GABBR2: variants seen among roughly 807,000 people sequenced by gnomAD.
GABBR2 encodes gamma-aminobutyric acid type B receptor subunit 2, also known as G-protein coupled receptor 51.
Under a neutral mutation model 105.6 loss-of-function variants are expected in GABBR2, and 23 were observed. That is an observed-to-expected ratio of 0.22 (90% CI 0.16 to 0.31). The LOEUF is 0.31. Ranked by LOEUF, GABBR2 falls within the 10% of genes least tolerant of loss-of-function variation. The pLI is 1.00. For missense variants in GABBR2, 734 were observed against 1,245.5 expected, an observed-to-expected ratio of 0.59 and a Z score of 6.18; for synonymous variants, 478 against 499.7, an observed-to-expected ratio of 0.96 and a Z score of 0.58.
Position 98,408,990 on chromosome 9 carries a change from G to A in GABBR2, c.1237-2849C>T, listed in dbSNP as rs1320867314. ...TAGTTGGGTAGTTAGGGAAGACTCCGCTCAAGACGTTATAAGAAAGCTGAG... is the reference window on the plus strand; with the variant it reads ...TAGTTGGGTAGTTAGGGAAGACTCCACTCAAGACGTTATAAGAAAGCTGAG... On this transcript the variant is annotated intron_variant, in intron 7 of 18. Coordinates refer to ENST00000259455, the MANE Select transcript of GABBR2 (RefSeq NM_005458.8). 4.1e-4 allele frequency among the ~76,000 whole-genome samples: 63 copies of A among 152,244 alleles called. 1 individual carries two copies. The highest frequency in any genetic ancestry group is 3.4e-3 in the Middle Eastern group (1 of 294).
intron 13 of GABBR2, among the ~76,000 whole-genome samples, chr9:98,317,768 G>A (rs973453787): frequency 1.2e-4 from 19 of 152,330 alleles, no homozygotes; most frequent in East Asian, 3.9e-4. Context: ...CCAACATGGC[G>A]CTTGCCTTCT....
chr9:98,612,678 T>C (rs1194392359), intron 1 of GABBR2, among the ~76,000 whole-genome samples: 1 of 152,052 alleles, frequency 6.6e-6, no homozygotes, highest in African/African-American at 2.4e-5. Context: ...AATACAAAAA[T>C]AGAAAATTTA....
At chr9:98,433,880 A>G (rs1825855588) in intron 7 of GABBR2, among the ~76,000 whole-genome samples, 1 of 152,160 alleles carries the variant, frequency 6.6e-6, no homozygotes, top group South Asian at 2.1e-4. Flanking sequence ...GGTGGAAGAC[A>G]GAGGGACAAT....
At chr9:98,368,447 C>A (rs537784491) in intron 12 of GABBR2, among the ~76,000 whole-genome samples, 1 of 152,082 alleles carries the variant, frequency 6.6e-6, no homozygotes, top group African/African-American at 2.4e-5. Context: ...TGGCCCAGAC[C>A]CTTGGCGGGG....
chr9:98,669,969 C>A (rs1428726235), intron 1 of GABBR2, among the ~76,000 whole-genome samples: 1 of 147,916 alleles, frequency 6.8e-6, no homozygotes, highest in Non-Finnish European at 1.5e-5. Context: ...AGCAAGCGAC[C>A]AGGGCGGGGG....
rs1828272110 is a variant in GABBR2 at position 98,540,430 on chromosome 9, G to A, written c.630+1443C>T. Among the ~76,000 whole-genome samples the A allele has an allele frequency of 2.0e-5, 3 of 152,162 alleles. No individual in the cohort carries two copies. In the South Asian group the frequency reaches 6.2e-4, roughly 32 times the overall value. ...AGGAATCGAAGCTCAGAGAAGCAAG[G>A]TAACGTCTCCAAGGTCACACAGCCA... On this transcript the variant is annotated intron_variant, in intron 3 of 18. Transcript: ENST00000259455.
At chr9:98,383,656 T>C (rs1832019153) in intron 11 of GABBR2, among the ~76,000 whole-genome samples, 1 of 152,136 alleles carries the variant, frequency 6.6e-6, no homozygotes, top group African/African-American at 2.4e-5. Flanking sequence ...ATAAAGTAAA[T>C]GTATCTGTAG....
At chr9:98,448,610 G>A (rs1826178463) in intron 7 of GABBR2, among the ~76,000 whole-genome samples, 2 of 151,932 alleles carry the variant, frequency 1.3e-5, no homozygotes, top group East Asian at 1.9e-4. Flanking sequence ...TAGAGACAAG[G>A]TCTCATCATG....
At chr9:98,514,898 A>G (rs1827727437) in intron 3 of GABBR2, among the ~76,000 whole-genome samples, 1 of 152,166 alleles carries the variant, frequency 6.6e-6, no homozygotes, top group Non-Finnish European at 1.5e-5. Context: ...CACATGGGGA[A>G]GTCTAGGCTT....
At chr9:98,561,951 T>C (rs1828678479) in intron 2 of GABBR2, among the ~76,000 whole-genome samples, 1 of 152,154 alleles carries the variant, frequency 6.6e-6, no homozygotes, top group Non-Finnish European at 1.5e-5. Context: ...GCAAGCATCA[T>C]AAATTGATGC....
chr9:98,610,977 T>C (rs1011802197), intron 1 of GABBR2, among the ~76,000 whole-genome samples: 1 of 152,092 alleles, frequency 6.6e-6, no homozygotes, highest in Non-Finnish European at 1.5e-5. Context: ...GGTGAAAGAA[T>C]GAGGCTCTGT....
At chr9:98,505,047 G>T (rs1336488291) in intron 3 of GABBR2, among the ~76,000 whole-genome samples, 2 of 152,256 alleles carry the variant, frequency 1.3e-5, no homozygotes, top group East Asian at 3.8e-4. Flanking sequence ...CAACAGGTAA[G>T]ATGGTTCAGG....
chr9:98,506,417 C>T (rs1230127666), intron 3 of GABBR2, among the ~76,000 whole-genome samples: 2 of 152,126 alleles, frequency 1.3e-5, no homozygotes, highest in Admixed American at 1.3e-4. Context: ...TGAGGCTGCA[C>T]CATGGCCACC....
chr9:98,355,116 C>T (rs1487485945), intron 13 of GABBR2, among the ~76,000 whole-genome samples: 1 of 151,982 alleles, frequency 6.6e-6, no homozygotes, highest in Non-Finnish European at 1.5e-5. Flanking sequence ...GTGGGTAGAG[C>T]AGTCAGAACG....
At chr9:98,312,400 A>G (rs1417135141) in intron 13 of GABBR2, among the ~76,000 whole-genome samples, 3 of 152,190 alleles carry the variant, frequency 2.0e-5, no homozygotes, top group African/African-American at 7.2e-5. Context: ...TTCAGATTTT[A>G]TGTATTCTTG....
intron 1 of GABBR2, among the ~76,000 whole-genome samples, chr9:98,627,991 C>T (rs2778917): frequency 0.93 from 141,533 of 152,288 alleles, 65,875 homozygotes; most frequent in Middle Eastern, 0.97. Flanking sequence ...TTCAAGACTT[C>T]ATGTTCCAAT....
At chr9:98,619,948 G>A (rs888390249) in intron 1 of GABBR2, among the ~76,000 whole-genome samples, 1 of 152,178 alleles carries the variant, frequency 6.6e-6, no homozygotes, top group Non-Finnish European at 1.5e-5. Context: ...CACCTGCTGT[G>A]TGGCCTTGTG....
intron 16 of GABBR2, among the ~76,000 whole-genome samples, chr9:98,300,212 A>T (rs1300292766): frequency 5.9e-5 from 9 of 151,950 alleles, no homozygotes; most frequent in Non-Finnish European, 2.9e-5. Flanking sequence ...TGGAGGACAG[A>T]CATGCAGGGC....
chr9:98,412,056 G>C (rs959488326), intron 7 of GABBR2, among the ~76,000 whole-genome samples: 3 of 152,224 alleles, frequency 2.0e-5, no homozygotes, highest in Non-Finnish European at 4.4e-5. Context: ...ACTCCAACAA[G>C]TTTATGAGTC....
Sources: allele counts gnomAD v4.1 joint callset (sites outside exome capture counted in the v4.1 genomes callset), GRCh38; gene constraint gnomAD v4.1.1; transcripts MANE v1.5; gene names NCBI Gene and HGNC (gene_info 2026-07-23, HGNC 2026-07-21).